MAP3K5: variants seen among roughly 807,000 people sequenced by gnomAD.
MAP3K5 encodes the protein mitogen-activated protein kinase kinase kinase 5, also known as ASK-1.
MAP3K5 carries 56 observed loss-of-function variants against 158.7 expected under a neutral mutation model. The ratio of observed to expected loss-of-function variants is 0.35; its 90% CI spans 0.28 to 0.44. MAP3K5 has a LOEUF of 0.44. Among genes scored for constraint, MAP3K5 ranks in the 20% least tolerant of loss-of-function variants. MAP3K5 has a pLI of 1.00. For synonymous variants in MAP3K5, 579 were observed against 601.7 expected, an observed-to-expected ratio of 0.96 and a Z score of 0.55; for missense variants, 1,294 against 1,674.8, an observed-to-expected ratio of 0.77 and a Z score of 3.97.
chr6:136,696,727 T>C (rs1780614713), intron 5 of MAP3K5, among the ~76,000 whole-genome samples: 1 of 152,242 alleles, frequency 6.6e-6, no homozygotes, highest in South Asian at 2.1e-4. Flanking sequence ...AACCTGTTAG[T>C]GTGTTTTACA....
chr6:136,721,237 AC>A (rs1467598601), intron 1 of MAP3K5, among the ~76,000 whole-genome samples: 3 of 152,020 alleles, frequency 2.0e-5, no homozygotes, highest in East Asian at 1.9e-4. Flanking sequence ...AAAAAAAAAA[AC>A]AGATTCATTA....
chr6:136,771,939 A>G (rs1219983127), intron 1 of MAP3K5, among the ~76,000 whole-genome samples: 1 of 150,558 alleles, frequency 6.6e-6, no homozygotes, highest in Non-Finnish European at 1.5e-5. Context: ...TTATTTTTTG[A>G]GACACAGTCT....
chr6:136,608,647 A>G (rs1776203266), intron 18 of MAP3K5, among the ~76,000 whole-genome samples: 1 of 152,148 alleles, frequency 6.6e-6, no homozygotes, highest in Non-Finnish European at 1.5e-5. Context: ...TCTCAGCTCT[A>G]TTACCAACTA....
In MAP3K5 at chr6:136,641,252, C is replaced by G. The variant is rs1777918933; in HGVS notation, c.1838+1268G>C. On this transcript the variant is annotated intron_variant, in intron 12 of 29. Transcript: ENST00000359015. ...TTCATGAGGTAACAGGTAGCTTTAC[C>G]AGGAGAACTCCAATTATTAGTGACT... Among the ~76,000 whole-genome samples the G allele has an allele frequency of 2.0e-5, 3 of 152,112 alleles. No homozygotes were observed. The South Asian group carries it at 6.2e-4, about 32-fold the overall frequency.
chr6:136,786,802 T>C (rs1784867703), intron 1 of MAP3K5, among the ~76,000 whole-genome samples: 1 of 20,624 alleles, frequency 4.8e-5, no homozygotes, highest in Non-Finnish European at 9.5e-5. Flanking sequence ...AAGTTCTTCT[T>C]TTTTTTTTTT....
At chr6:136,559,040 TACTC>T (rs1401916138) in intron 28 of MAP3K5, among the ~76,000 whole-genome samples, 164 bp from the exon 29 acceptor site, 1 of 151,906 alleles carries the variant, frequency 6.6e-6, no homozygotes, top group Non-Finnish European at 1.5e-5. Context: ...GCCTCCCTGT[TACTC>T]AATAAATACA....
In MAP3K5 at chr6:136,792,454, C is replaced by A; in HGVS notation, c.-297G>T. 1 of 902,272 alleles carries A rather than the reference C, an allele frequency of 1.1e-6. No individual in the cohort carries two copies. Among genetic ancestry groups the A allele is most frequent in the Non-Finnish European group, 1.3e-6 (1 of 754,508 alleles). 55.9% of individuals were successfully genotyped at this position (902,272 alleles called of 1,614,324 possible). A position where few individuals can be genotyped will look rare whatever the true frequency, so the allele number is the denominator to read the frequency against. ...GCGGGAAGGGACGGAGCTTCCTTTT[C>A]TTGGCCGGCTGACAAGTCGGCTCGC... On this transcript the variant is annotated 5_prime_UTR_variant, in exon 1 of 30. Transcript: ENST00000359015. This position sits in a 1 kb window ranked among gnomAD's most constrained non-coding sequence, Gnocchi z 5.7.
chr6:136,791,112 GTTGTAATGTTAT>G (rs1785055221), intron 1 of MAP3K5, among the ~76,000 whole-genome samples: 1 of 152,234 alleles, frequency 6.6e-6, no homozygotes, highest in Non-Finnish European at 1.5e-5. Flanking sequence ...TTCAGTGTAA[GTTGTAATGTTAT>G]TGCCTTTGGA....
rs758306498 is a variant in MAP3K5, at chr6:136,613,258, T to G, written c.2279-2A>C. ...AACGAAGGAGAGCAGAAAGACTTCCTGTAAAGTAGGGATAAATAGTAAATA... is the reference window on the plus strand; with the variant it reads ...AACGAAGGAGAGCAGAAAGACTTCCGGTAAAGTAGGGATAAATAGTAAATA... On this transcript the variant is annotated splice_acceptor_variant, in intron 16 of 29. Transcript: ENST00000359015. LOFTEE classifies it high-confidence loss of function. This position sits in a 1 kb window ranked among gnomAD's most constrained non-coding sequence, Gnocchi z 4.0. 1 of 1,611,422 alleles carries G rather than the reference T, an allele frequency of 6.2e-7. No homozygotes were observed.
chr6:136,603,112 C>G (rs1189686235), intron 19 of MAP3K5, among the ~76,000 whole-genome samples: 1 of 151,488 alleles, frequency 6.6e-6, no homozygotes, highest in Non-Finnish European at 1.5e-5. Context: ...GTGTCAGACA[C>G]AGTTCTAAGT....
chr6:136,560,000 CTACT>C (rs1830435127), intron 28 of MAP3K5, among the ~76,000 whole-genome samples: 1 of 152,066 alleles, frequency 6.6e-6, no homozygotes, highest in African/African-American at 2.4e-5. Flanking sequence ...GCCCGAAATT[CTACT>C]TAGTTAATAA....
chr6:136,559,372 AAAAACAAAAACAAAAAC>A (rs1204128882), intron 28 of MAP3K5, among the ~76,000 whole-genome samples: 3 of 124,426 alleles, frequency 2.4e-5, no homozygotes, highest in African/African-American at 8.2e-5. Context: ...AAACAAAAAC[AAAAACAAAAACAAAAAC>A]AAGAAATGCA....
chr6:136,738,380 G>C (rs1782564748), intron 1 of MAP3K5, among the ~76,000 whole-genome samples: 1 of 152,110 alleles, frequency 6.6e-6, no homozygotes, highest in South Asian at 2.1e-4. Flanking sequence ...CAAGGGACCT[G>C]ACTGTTTTAA....
chr6:136,605,261 G>A lies in MAP3K5; in HGVS notation c.2627C>T (p.Thr876Ile). The A allele has an allele frequency of 6.2e-7, 1 of 1,614,102 alleles. No individual in the cohort carries two copies. The highest frequency in any genetic ancestry group is 1.1e-5 in the South Asian group (1 of 91,076). ...SLGCTIIEMA[T>I]GKPPFYELGE... The stretch of plus-strand genomic sequence containing the variant: ...CAGTTCATAAAATGGGGGTTTTCCT[G>A]TGGCCATTTCAATGATTGTACAGCC... The change falls in exon 19 of 30, where the codon ACA (threonine) becomes ATA (isoleucine). Residue 876 changes from threonine to isoleucine, a missense_variant. By Grantham distance (89) the Thr-to-Ile change is moderately conservative. Coordinates refer to ENST00000359015, the MANE Select transcript of MAP3K5 (RefSeq NM_005923.4).
chr6:136,614,023 G>T, intron 16 of MAP3K5, 136 bp downstream of exon 16: 1 of 785,778 alleles, frequency 1.3e-6, no homozygotes, highest in East Asian at 2.6e-5. Context: ...CTAACAAACT[G>T]GAGGTAATGT....
At chr6:136,594,871 T>A (rs1775554513) in intron 21 of MAP3K5, among the ~76,000 whole-genome samples, 1 of 152,102 alleles carries the variant, frequency 6.6e-6, no homozygotes, top group African/African-American at 2.4e-5. Flanking sequence ...ACTTGAATTA[T>A]CCTGTATTTT....
chr6:136,779,573 T>A (rs1437992690), intron 1 of MAP3K5, among the ~76,000 whole-genome samples: 1 of 152,156 alleles, frequency 6.6e-6, no homozygotes, highest in Non-Finnish European at 1.5e-5. Flanking sequence ...GACCAAAGTG[T>A]CATATATTCA....
At chr6:136,568,609 T>A (rs531774380) in intron 25 of MAP3K5, among the ~76,000 whole-genome samples, 27 of 152,180 alleles carry the variant, frequency 1.8e-4, no homozygotes, top group Non-Finnish European at 3.8e-4. Context: ...GCACAGTGGC[T>A]CACGCCTGTA....
chr6:136,570,857 TTGAC>T (rs745833161), intron 25 of MAP3K5, among the ~76,000 whole-genome samples: 1 of 152,178 alleles, frequency 6.6e-6, no homozygotes, highest in Non-Finnish European at 1.5e-5. Flanking sequence ...TTCTATGAAT[TTGAC>T]TACTCTAGAC....
Sources: gnomAD v4.1 joint callset for allele counts (sites outside exome capture counted in the v4.1 genomes callset) on GRCh38, gnomAD v4.1.1 for gene constraint, Gnocchi (gnomAD v3.1) non-coding constraint, MANE v1.5 for transcripts, NCBI Gene and HGNC (gene_info 2026-07-23, HGNC 2026-07-21) for gene names.